Variants in TSPAN4 observed in about 807,000 individuals in gnomAD.
TSPAN4 encodes tetraspanin 4.
A neutral mutation model predicts 31.5 loss-of-function variants in TSPAN4; 38 were observed. That is an observed-to-expected ratio of 1.21 (90% CI 0.93 to 1.58). The LOEUF (loss-of-function observed/expected upper bound fraction) is 1.58. Ranked by LOEUF, TSPAN4 falls within the 40% of genes most tolerant of loss-of-function variation. The pLI is 0.00. For synonymous variants in TSPAN4, 186 were observed against 144.6 expected (o/e 1.29, Z -2.06); for missense variants, 330 against 317.3 (o/e 1.04, Z -0.30).
In TSPAN4 at chr11:850,383, G is replaced by C. The variant is rs2133999332; in HGVS notation, c.63+16G>C. ...GCTCTTCTGGGTGAGTCCGGGGGCC[G>C]GGGTGGGGGCCCGGGAAAGACCCGG... is the stretch of plus-strand genomic sequence containing the variant. On this transcript the variant is annotated intron_variant, in intron 3 of 8. Coordinates refer to ENST00000397397, the MANE Select transcript of TSPAN4 (RefSeq NM_003271.5). The C allele has an allele frequency of 6.3e-7, 1 of 1,595,738 alleles. No homozygotes were observed. The highest frequency in any genetic ancestry group is 8.5e-7 in the Non-Finnish European group (1 of 1,176,340).
In TSPAN4 at chr11:848,867, G is replaced by T. The variant is rs1156666606; in HGVS notation, c.-17-1421G>T. On this transcript the variant is annotated intron_variant, in intron 2 of 8. Coordinates refer to ENST00000397397, the MANE Select transcript of TSPAN4 (RefSeq NM_003271.5). The surrounding 1 kb of genome is among the most constrained non-coding windows in gnomAD (Gnocchi z 5.7). ...GGGGCCTCTGTCCCCATCTCCGGCT[G>T]TGGGAGGTGTGTGCGCATCCGGCGT... 2.9e-6 allele frequency: 2 copies of T among 701,420 alleles called. No individual in the cohort carries two copies. The highest frequency in any genetic ancestry group is 4.2e-5 in the Admixed American group (2 of 47,392). 43.4% of individuals were successfully genotyped at this position (701,420 alleles called of 1,614,324 possible). A position where few individuals can be genotyped will look rare whatever the true frequency, so the allele number is the denominator to read the frequency against.
At chr11:850,680 C>T (rs1213741376) in intron 3 of TSPAN4, among the ~76,000 whole-genome samples, 1 of 152,172 alleles carries the variant, frequency 6.6e-6, no homozygotes, top group Non-Finnish European at 1.5e-5. Flanking sequence ...CCGGACAGGG[C>T]CACCCGGGCA....
At chr11:864,344 A>G (rs1848642774) in intron 4 of TSPAN4, 93 bp from the exon 5 acceptor site, 1 of 1,483,994 alleles carries the variant, frequency 6.7e-7, no homozygotes, top group Non-Finnish European at 9.3e-7. Context: ...AGCACCAGGT[A>G]TCCATGAGGT....
At chr11:866,070 G>A in intron 8 of TSPAN4, 69 bp downstream of exon 8, 4 of 1,545,806 alleles carry the variant, frequency 2.6e-6, no homozygotes, top group South Asian at 1.1e-5. Context: ...AGGGAACAAA[G>A]TAGCAAAGAC....
intron 4 of TSPAN4, 78 bp from the exon 5 acceptor site, chr11:864,359 G>A (rs1271538992): frequency 3.2e-6 from 5 of 1,561,808 alleles, no homozygotes; most frequent in Non-Finnish European, 4.4e-6. Flanking sequence ...TGAGGTACGT[G>A]GCCCTGGCCC....
intron 4 of TSPAN4, chr11:863,026 G>A (rs1303905667): frequency 2.4e-6 from 1 of 416,576 alleles, no homozygotes; most frequent in Non-Finnish European, 4.3e-6. Context: ...GGTGAGTGCA[G>A]GCACAGCCCC....
At chr11:850,092 C>T (rs1847577565) in intron 2 of TSPAN4, 196 bp from the exon 3 acceptor site, 1 of 451,144 alleles carries the variant, frequency 2.2e-6, no homozygotes. Context: ...GGGCAAGGAG[C>T]CGGACTTCGC....
chr11:856,778 G>A (rs1250039409), intron 3 of TSPAN4: 2 of 152,286 alleles, frequency 1.3e-5, no homozygotes, highest in East Asian at 3.8e-4. Flanking sequence ...TCCTGCTTTT[G>A]ATTTTCTGTC....
rs550285824 is a variant in TSPAN4 at position 850,509 on chromosome 11, C to T, written c.63+142C>T. On this transcript the variant is annotated intron_variant, in intron 3 of 8. Coordinates refer to ENST00000397397, the MANE Select transcript of TSPAN4 (RefSeq NM_003271.5). ...GGGATGGTCCCGGGAGGACCCAAGA[C>T]CGCTGCTCCGGCTAGGAGCCTGGAC... 76 of 702,524 alleles carry T rather than the reference C, an allele frequency of 1.1e-4. 1 individual carries two copies. The African/African-American group carries it at 1.1e-3, about 10-fold the overall frequency. The allele number at this position is 702,524 out of a possible 1,614,324, so 43.5% of individuals were successfully genotyped here.
rs997788368 is a variant in TSPAN4, at chr11:848,781, C to G, written c.-18+1481C>G. The G allele has an allele frequency of 3.4e-5, 19 of 565,208 alleles. No individual in the cohort carries two copies. Among genetic ancestry groups the G allele is most frequent in the East Asian group, 1.2e-4 (4 of 32,622 alleles). 35.0% of individuals were successfully genotyped at this position (565,208 alleles called of 1,614,324 possible). On this transcript the variant is annotated intron_variant, in intron 2 of 8. Coordinates refer to ENST00000397397, the MANE Select transcript of TSPAN4 (RefSeq NM_003271.5). The surrounding 1 kb of genome is among the most constrained non-coding windows in gnomAD (Gnocchi z 5.7). ...GATATCTTCCCAACACCGCAGGGCC[C>G]TTGTGCCCTGTGGTGGGGCTGGGGC...
chr11:844,964 G>A (rs1340530372), intron 1 of TSPAN4, among the ~76,000 whole-genome samples: 3 of 152,190 alleles, frequency 2.0e-5, no homozygotes, highest in Admixed American at 1.3e-4. Context: ...GGCTGGGAGG[G>A]GGAGCACGGG....
Position 860,429 on chromosome 11 carries a change from C to T in TSPAN4, c.64-2121C>T, listed in dbSNP as rs894702564. 4.6e-5 allele frequency among the ~76,000 whole-genome samples: 7 copies of T among 152,204 alleles called. No homozygotes were observed. In the South Asian group the frequency reaches 8.3e-4, roughly 18 times the overall value. On this transcript the variant is annotated intron_variant, in intron 3 of 8. Coordinates refer to ENST00000397397, the MANE Select transcript of TSPAN4 (RefSeq NM_003271.5). ...TGGCGGCCTCCAACCTCCAGCCTGG[C>T]GCTGGCTGATGCACTGCTCAGGGAG...
Position 865,560 on chromosome 11 carries a change from C to T in TSPAN4, c.378C>T (p.Tyr126=), listed in dbSNP as rs116450072. Residue 126 remains tyrosine (Y), a synonymous_variant, in exon 6 of 9, where the codon TAC becomes TAT. Transcript: ENST00000397397. Reference sequence around the variant, plus strand: ...ACCTGAAGAAAGGCTTGCACCTGTACGGCACGCAGGGCAACGTGGGCCTCA... The same window carrying T: ...ACCTGAAGAAAGGCTTGCACCTGTATGGCACGCAGGGCAACGTGGGCCTCA... ...QQDLKKGLHL[Y]GTQGNVGLTN... 2.7e-3 allele frequency: 4,321 copies of T among 1,612,612 alleles called. 85 individuals are homozygous for T. The African/African-American group carries it at 0.044, about 16-fold the overall frequency.
In TSPAN4 at chr11:865,723, T is replaced by C. The variant is rs148531184; in HGVS notation, c.462T>C (p.Thr154=). Residue 154 remains threonine, a synonymous_variant, in exon 7 of 9, where the codon ACT becomes ACC. Transcript: ENST00000397397. ...DFRCCGVSNY[T]DWFEVYNATR... ...GCTGCTGTGGCGTCTCCAACTACAC[T>C]GACTGGTTCGAGGTGTACAACGCCA... The C allele has an allele frequency of 3.1e-5, 50 of 1,613,394 alleles. No homozygotes were observed. The African/African-American group carries it at 5.3e-4, about 17-fold the overall frequency.
intron 8 of TSPAN4, 76 bp from the exon 9 acceptor site, chr11:866,486 G>C: frequency 7.0e-7 from 1 of 1,422,922 alleles, no homozygotes; most frequent in Non-Finnish European, 9.6e-7. Flanking sequence ...GGCACCTGCT[G>C]AGGACAGGGA....
intron 3 of TSPAN4, chr11:856,955 GGGCC>G (rs1272879389): frequency 6.6e-6 from 1 of 152,234 alleles, no homozygotes; most frequent in East Asian, 1.9e-4. Flanking sequence ...TGGGGCCTCG[GGGCC>G]CGGGGGACGC....
chr11:862,797 G>A (rs531092400), intron 4 of TSPAN4, 56 bp downstream of exon 4: 233 of 1,508,080 alleles, frequency 1.5e-4, no homozygotes, highest in African/African-American at 1.2e-3. Flanking sequence ...GTGGGGCTCC[G>A]GTGGCCCCCA....
Position 864,303 on chromosome 11 carries a change from G to C in TSPAN4, c.256-134G>C, listed in dbSNP as rs1848640474. ...GTGGGGGCGGCGTTCTGGGCTCTCT[G>C]GGAGTGGGGGCCTGGCAGAGGTTTC... On this transcript the variant is annotated intron_variant, in intron 4 of 8. Coordinates refer to ENST00000397397, the MANE Select transcript of TSPAN4 (RefSeq NM_003271.5). 9.1e-6 allele frequency: 10 copies of C among 1,101,392 alleles called. 1 individual carries two copies. The South Asian group carries it at 1.4e-4, about 15-fold the overall frequency. The allele number at this position is 1,101,392 out of a possible 1,614,324, so 68.2% of individuals were successfully genotyped here.
At chr11:846,963 TGAAGGAGCA>T (rs947205938) in intron 1 of TSPAN4, among the ~76,000 whole-genome samples, 12 of 152,182 alleles carry the variant, frequency 7.9e-5, no homozygotes, top group African/African-American at 2.9e-4. Context: ...CTCAGAGCCC[TGAAGGAGCA>T]GAATTTGGTG....
Sources: gnomAD v4.1 joint callset for allele counts (sites outside exome capture counted in the v4.1 genomes callset) on GRCh38, gnomAD v4.1.1 for gene constraint, Gnocchi (gnomAD v3.1) non-coding constraint, MANE v1.5 for transcripts, NCBI Gene and HGNC (gene_info 2026-07-23, HGNC 2026-07-21) for gene names.